The following STXBP5L variants were observed in gnomAD, a reference collection of about 807,000 sequenced individuals.
The protein encoded by STXBP5L is syntaxin-binding protein 5-like.
In STXBP5L, 65 loss-of-function variants were observed where a neutral mutation model predicts 144.5. The observed-to-expected ratio is 0.45, with a 90% CI of 0.37 to 0.55. STXBP5L has a LOEUF of 0.55. STXBP5L is among the 20% of genes least tolerant of loss of function. The pLI, the probability that STXBP5L is intolerant of heterozygous loss-of-function variation, is 0.00. For synonymous variants in STXBP5L, 505 were observed against 469.6 expected, an observed-to-expected ratio of 1.08 and a Z score of -0.97; for missense variants, 1,298 against 1,405.5, an observed-to-expected ratio of 0.92 and a Z score of 1.22.
chr3:121,105,088 T>C (rs1412369786), intron 5 of STXBP5L, among the ~76,000 whole-genome samples: 4 of 151,948 alleles, frequency 2.6e-5, no homozygotes, highest in Non-Finnish European at 5.9e-5. Flanking sequence ...AGGACATGAA[T>C]AGACAGTTCT....
rs79716195 is a variant in STXBP5L at position 121,204,676 on chromosome 3, A to G, written c.878-1247A>G. 6.0e-3 allele frequency among the ~76,000 whole-genome samples: 907 copies of G among 152,190 alleles called. 5 individuals carry two copies. Among genetic ancestry groups the G allele is most frequent in the Middle Eastern group, 0.014 (4 of 292 alleles). On this transcript the variant is annotated intron_variant, in intron 9 of 26. Coordinates refer to ENST00000471454, the MANE Select transcript of STXBP5L (RefSeq NM_001308330.2). Reference sequence around the variant, plus strand: ...TAGATAATGTATTACATAGGTATCTATGTAATAGATAAACAACTGTGGTAA... The same window carrying G: ...TAGATAATGTATTACATAGGTATCTGTGTAATAGATAAACAACTGTGGTAA...
intron 9 of STXBP5L, among the ~76,000 whole-genome samples, chr3:121,163,256 T>A (rs993905614): frequency 1.3e-5 from 2 of 152,064 alleles, no homozygotes; most frequent in Admixed American, 1.3e-4. Flanking sequence ...AAAGAATGAG[T>A]TCATGTCCTT....
At chr3:121,068,831 A>G (rs1054511304) in intron 5 of STXBP5L, among the ~76,000 whole-genome samples, 8 of 151,548 alleles carry the variant, frequency 5.3e-5, no homozygotes, top group East Asian at 1.9e-4. Context: ...ATTTTTCTTT[A>G]TTCTTTATTT....
At chr3:121,354,676 A>G (rs997745215) in intron 20 of STXBP5L, among the ~76,000 whole-genome samples, 1 of 152,012 alleles carries the variant, frequency 6.6e-6, no homozygotes, top group Non-Finnish European at 1.5e-5. Context: ...TAATTGGCAC[A>G]TTTAGCCCAT....
At chr3:120,933,914 T>C (rs1393723222) in intron 2 of STXBP5L, among the ~76,000 whole-genome samples, 1 of 152,102 alleles carries the variant, frequency 6.6e-6, no homozygotes, top group Non-Finnish European at 1.5e-5. Context: ...GAGAGTGGAT[T>C]ACTTTTAAAG....
chr3:121,305,504 T>C (rs2043306639), intron 19 of STXBP5L, among the ~76,000 whole-genome samples: 1 of 152,100 alleles, frequency 6.6e-6, no homozygotes, highest in Non-Finnish European at 1.5e-5. Flanking sequence ...AGTTTAAAAT[T>C]TGAAAATCAA....
At chr3:121,170,628 C>G (rs1320763260) in intron 9 of STXBP5L, among the ~76,000 whole-genome samples, 1 of 152,116 alleles carries the variant, frequency 6.6e-6, no homozygotes, top group Non-Finnish European at 1.5e-5. Context: ...TATACCCTCC[C>G]AAGACTAAAC....
intron 8 of STXBP5L, among the ~76,000 whole-genome samples, chr3:121,157,245 G>T (rs544720094): frequency 1.5e-4 from 23 of 152,142 alleles, no homozygotes; most frequent in Admixed American, 2.0e-4. Context: ...TGTATAAAAT[G>T]CTTGCCTTGG....
intron 2 of STXBP5L, among the ~76,000 whole-genome samples, chr3:120,941,299 G>C (rs1710554626): frequency 6.6e-6 from 1 of 151,644 alleles, no homozygotes; most frequent in Non-Finnish European, 1.5e-5. Context: ...CTTTTAATCT[G>C]TAATAATCAC....
At chr3:121,416,034 G>T in intron 25 of STXBP5L, 66 bp downstream of exon 25, 1 of 1,268,184 alleles carries the variant, frequency 7.9e-7, no homozygotes, top group Non-Finnish European at 1.1e-6. Flanking sequence ...ATGTGTATTT[G>T]TGTGTGTAAC....
At chr3:121,318,145 G>A (rs1476380597) in intron 19 of STXBP5L, among the ~76,000 whole-genome samples, 1 of 151,552 alleles carries the variant, frequency 6.6e-6, no homozygotes, top group Non-Finnish European at 1.5e-5. Flanking sequence ...ATTTTTTCCT[G>A]TATCACTTGT....
At chr3:121,138,000 G>T (rs550077969) in intron 7 of STXBP5L, among the ~76,000 whole-genome samples, 1 of 152,146 alleles carries the variant, frequency 6.6e-6, no homozygotes, top group African/African-American at 2.4e-5. Context: ...GTCCCTTTTT[G>T]CTGATGACAT....
intron 3 of STXBP5L, among the ~76,000 whole-genome samples, chr3:120,991,377 G>T (rs34928795): frequency 0.51 from 76,662 of 149,672 alleles, 20,096 homozygotes; most frequent in Admixed American, 0.6. Context: ...TTTTACAGTG[G>T]TGGTGGGACT....
At chr3:121,301,282 C>T (rs2051892769) in intron 19 of STXBP5L, among the ~76,000 whole-genome samples, 1 of 152,062 alleles carries the variant, frequency 6.6e-6, no homozygotes, top group African/African-American at 2.4e-5. Flanking sequence ...AAGTTGGATT[C>T]CTAGGTATTT....
At chr3:120,949,576 T>G in intron 2 of STXBP5L, among the ~76,000 whole-genome samples, 1 of 152,166 alleles carries the variant, frequency 6.6e-6, no homozygotes, top group East Asian at 1.9e-4. Context: ...TTGATCCACC[T>G]TGAGGTGATT....
intron 9 of STXBP5L, among the ~76,000 whole-genome samples, chr3:121,179,457 C>A (rs2047058053): frequency 6.6e-6 from 1 of 152,050 alleles, no homozygotes; most frequent in Non-Finnish European, 1.5e-5. Context: ...AATTCAAAAA[C>A]AATTTGAAGA....
intron 2 of STXBP5L, among the ~76,000 whole-genome samples, chr3:120,943,842 C>G (rs1351287204): frequency 2.0e-5 from 3 of 148,936 alleles, no homozygotes; most frequent in African/African-American, 7.4e-5. Context: ...TTTTTTTAAA[C>G]TGGATCATTA....
In STXBP5L at chr3:120,919,650, C is replaced by T. The variant is rs553006549; in HGVS notation, c.189+9883C>T. On this transcript the variant is annotated intron_variant, in intron 2 of 26. Coordinates refer to ENST00000471454, the MANE Select transcript of STXBP5L (RefSeq NM_001308330.2). The stretch of plus-strand genomic sequence containing the variant: ...TATTCTTGTGCTCTGCCACAGCTCC[C>T]CACTAGCTATTTGGTGAATTCAGTT... Among the ~76,000 whole-genome samples the T allele has an allele frequency of 1.1e-3, 162 of 151,976 alleles. 1 individual carries two copies. The highest frequency in any genetic ancestry group is 1.9e-3 in the Non-Finnish European group (131 of 67,830).
At chr3:121,094,176 A>G (rs2042986347) in intron 5 of STXBP5L, among the ~76,000 whole-genome samples, 1 of 152,064 alleles carries the variant, frequency 6.6e-6, no homozygotes, top group South Asian at 2.1e-4. Flanking sequence ...TTTGCTGAGG[A>G]GAGCTTTACT....
Sources: allele counts gnomAD v4.1 joint callset (sites outside exome capture counted in the v4.1 genomes callset), GRCh38; gene constraint gnomAD v4.1.1; transcripts MANE v1.5; gene names NCBI Gene and HGNC (gene_info 2026-07-23, HGNC 2026-07-21).